The following COL4A3 variants were observed in gnomAD, a reference collection of about 807,000 sequenced individuals.
COL4A3 encodes the protein collagen type IV alpha 3 chain.
Under a neutral mutation model 217.4 loss-of-function variants are expected in COL4A3, and 135 were observed. The observed-to-expected ratio is 0.62, with a 90% CI of 0.54 to 0.72. The LOEUF is 0.72. Ranked by LOEUF, COL4A3 falls within the 30% of genes least tolerant of loss-of-function variation. The pLI is 0.00. For synonymous variants in COL4A3, 690 were observed against 736.3 expected, an observed-to-expected ratio of 0.94 and a Z score of 1.02; for missense variants, 1,868 against 2,119.9, an observed-to-expected ratio of 0.88 and a Z score of 2.33.
rs200738124 is a variant in COL4A3, at chr2:227,257,637, G to C, written c.1022G>C (p.Arg341Pro). ...GGGGACATTGGCCCTCCAGGATTTC[G>C]TGGTCCAGTAAGTGTGATTAAAGAC... Reference protein sequence around the residue: ...QKGDIGPPGFRGPTEYYDTYQ... With the variant: ...QKGDIGPPGFPGPTEYYDTYQ... The change falls in exon 18 of 52, where the codon CGT becomes CCT. Residue 341 changes from arginine (R) to proline (P), a missense_variant. Arg to Pro is a moderately radical substitution (Grantham distance 103). Coordinates refer to ENST00000396578, the MANE Select transcript of COL4A3 (RefSeq NM_000091.5). The C allele has an allele frequency of 3.7e-6, 6 of 1,613,700 alleles. No homozygotes were observed. The highest frequency in any genetic ancestry group is 1.3e-5 in the African/African-American group (1 of 75,026).
intron 1 of COL4A3, among the ~76,000 whole-genome samples, chr2:227,221,706 C>G (rs1192240828): frequency 6.6e-6 from 1 of 152,022 alleles, no homozygotes. Flanking sequence ...GTGTATTATA[C>G]ATATATATTT....
Position 227,247,499 on chromosome 2 carries a change from G to A in COL4A3, c.442-59G>A, listed in dbSNP as rs1208079953. The A allele has an allele frequency of 9.1e-6, 14 of 1,533,480 alleles. No individual in the cohort carries two copies. The Admixed American group carries it at 1.5e-4, about 16-fold the overall frequency. 95.0% of individuals were successfully genotyped at this position (1,533,480 alleles called of 1,614,324 possible). On this transcript the variant is annotated intron_variant, in intron 7 of 51. Transcript: ENST00000396578. ...AATAGCAGAGAGGGCAGAGCAGACCGAGTAGGAGTGTGTGCGTTTGATATT... is the reference window on the plus strand; with the variant it reads ...AATAGCAGAGAGGGCAGAGCAGACCAAGTAGGAGTGTGTGCGTTTGATATT...
At chr2:227,211,293 G>A (rs13402366) in intron 1 of COL4A3, among the ~76,000 whole-genome samples, 11 of 152,022 alleles carry the variant, frequency 7.2e-5, no homozygotes, top group Non-Finnish European at 1.3e-4. Flanking sequence ...GCCACTGCAC[G>A]CGGCCCCATA....
In COL4A3 at chr2:227,290,840, A is replaced by T; in HGVS notation, c.3164A>T (p.Glu1055Val). 6.2e-7 allele frequency: 1 copy of T among 1,613,720 alleles called. No homozygotes were observed. The highest frequency in any genetic ancestry group is 8.5e-7 in the Non-Finnish European group (1 of 1,179,922). ...GIHGLQGDKG[E>V]PGYSEGTRPG... The stretch of plus-strand genomic sequence containing the variant: ...CATGGTCTCCAGGGAGATAAGGGAG[A>T]GCCAGGTTATTCAGAAGGTACAAGG... Residue 1055 changes from glutamate to valine, a missense_variant, in exon 37 of 52, where the codon GAG becomes GTG. By Grantham distance (121) the Glu-to-Val change is moderately radical. Transcript: ENST00000396578.
intron 1 of COL4A3, among the ~76,000 whole-genome samples, chr2:227,213,171 T>C (rs2067391124): frequency 1.3e-5 from 2 of 152,196 alleles, no homozygotes; most frequent in Non-Finnish European, 2.9e-5. Flanking sequence ...TAGGATGCCT[T>C]AAATAGCTGA....
chr2:227,294,820 C>T (rs2106234767), intron 39 of COL4A3, 144 bp from the exon 40 acceptor site: 2 of 750,500 alleles, frequency 2.7e-6, no homozygotes, highest in Middle Eastern at 7.3e-4. Flanking sequence ...AACATAGCTT[C>T]ACATAGCTAC....
At chr2:227,216,155 G>A (rs2067520186) in intron 1 of COL4A3, among the ~76,000 whole-genome samples, 1 of 150,980 alleles carries the variant, frequency 6.6e-6, no homozygotes. Flanking sequence ...GAGATTAATT[G>A]TGCAACAATG....
chr2:227,272,887 T>C (rs2125995948), intron 25 of COL4A3, 62 bp from the exon 26 acceptor site: 4 of 1,529,926 alleles, frequency 2.6e-6, no homozygotes, highest in Non-Finnish European at 3.6e-6. Context: ...TGGAGGATGA[T>C]TAACCTGTTG....
At position 227,263,697 on chromosome 2, in the gene COL4A3, T is replaced by C. The variant is rs532329486; in HGVS notation, c.1151-83T>C. The C allele has an allele frequency of 2.7e-5, 37 of 1,355,560 alleles. No homozygotes were observed. In the African/African-American group the frequency reaches 4.1e-4, roughly 15 times the overall value. 84.0% of individuals were successfully genotyped at this position (1,355,560 alleles called of 1,614,324 possible). A position where few individuals can be genotyped will look rare whatever the true frequency, so the allele number is the denominator to read the frequency against. ...CATTGTGCAATTTTTATAAATAAAA[T>C]TAAATCACTCTTGCAATTAAAAAAT... On this transcript the variant is annotated intron_variant, in intron 20 of 51. Transcript: ENST00000396578.
At chr2:227,203,739 A>T (rs144841469) in intron 1 of COL4A3, among the ~76,000 whole-genome samples, 1 of 81,934 alleles carries the variant, frequency 1.2e-5, no homozygotes, top group African/African-American at 5.2e-5. Flanking sequence ...ATATATGTGT[A>T]TATATACATA....
rs2066243621 is a variant in COL4A3 at position 227,191,568 on chromosome 2, G to A, written c.87+26755G>A. 6.6e-6 allele frequency among the ~76,000 whole-genome samples: 1 copy of A among 152,110 alleles called. No individual in the cohort carries two copies. The highest frequency in any genetic ancestry group is 2.4e-5 in the African/African-American group (1 of 41,404). ...AAGAACCTGCCAAGGGGCTGCAATG[G>A]GAGATTACAGTGACTCAGCAAATCA... On this transcript the variant is annotated intron_variant, in intron 1 of 51. Coordinates refer to ENST00000396578, the MANE Select transcript of COL4A3 (RefSeq NM_000091.5). This position sits in a 1 kb window ranked among gnomAD's most constrained non-coding sequence, Gnocchi z 6.8.
At chr2:227,262,505 C>A (rs1310194401) in intron 20 of COL4A3, among the ~76,000 whole-genome samples, 3 of 152,122 alleles carry the variant, frequency 2.0e-5, no homozygotes, top group Non-Finnish European at 4.4e-5. Flanking sequence ...TAGATTAGTT[C>A]TTCTGATCCA....
intron 1 of COL4A3, among the ~76,000 whole-genome samples, chr2:227,204,932 A>G (rs982166707): frequency 6.6e-6 from 1 of 152,224 alleles, no homozygotes; most frequent in Non-Finnish European, 1.5e-5. Context: ...TACATAATAC[A>G]TGAAGTTGTG....
In COL4A3 at chr2:227,303,910, T is replaced by C. The variant is rs1227955412; in HGVS notation, c.4007T>C (p.Ile1336Thr). The change falls in exon 45 of 52, where the codon ATT becomes ACT. Residue 1336 changes from isoleucine (I) to threonine (T), a missense_variant. Transcript: ENST00000396578. ...GGATCCATTGGACCTCCAGGACCAA[T>C]TGGGCCAAAAGGACCACCTGGTAAA... ...FLGSIGPPGP[I>T]GPKGPPGVRG... 27 of 1,614,118 alleles carry C rather than the reference T, an allele frequency of 1.7e-5. No homozygotes were observed. Among genetic ancestry groups the C allele is most frequent in the Non-Finnish European group, 1.9e-5 (23 of 1,180,052 alleles).
At chr2:227,198,027 A>G (rs2066549012) in intron 1 of COL4A3, among the ~76,000 whole-genome samples, 1 of 152,212 alleles carries the variant, frequency 6.6e-6, no homozygotes. Flanking sequence ...TGCAGAGGTG[A>G]AGAACAGTCA....
In COL4A3 at chr2:227,248,494, G is replaced by A. The variant is rs1014839148; in HGVS notation, c.520G>A (p.Gly174Arg). The A allele has an allele frequency of 8.1e-6, 13 of 1,613,190 alleles. No individual in the cohort carries two copies. Among genetic ancestry groups the A allele is most frequent in the African/African-American group, 6.7e-5 (5 of 74,976 alleles). Reference protein sequence around the residue: ...DIELDAKGDPGLPGAPGPQGL... With the variant: ...DIELDAKGDPRLPGAPGPQGL... ...AGAACTTGATGCAAAAGGCGACCCCGGGTTGCCAGGGGCTCCAGGACCCCA... is the reference window on the plus strand; with the variant it reads ...AGAACTTGATGCAAAAGGCGACCCCAGGTTGCCAGGGGCTCCAGGACCCCA... Residue 174 changes from glycine to arginine, a missense_variant, in exon 9 of 52, where the codon GGG becomes AGG. Gly to Arg is a moderately radical substitution (Grantham distance 125). Around this residue, in one of 2 missense-constraint regions of COL4A3, gnomAD observed 365 missense variants for 333.8 expected, o/e 1.09. Coordinates refer to ENST00000396578, the MANE Select transcript of COL4A3 (RefSeq NM_000091.5).
intron 1 of COL4A3, among the ~76,000 whole-genome samples, chr2:227,235,658 T>C (rs11889232): frequency 0.42 from 63,399 of 151,962 alleles, 13,461 homozygotes; most frequent in Non-Finnish European, 0.45. Flanking sequence ...TATAGCTTAG[T>C]TCCCACTGCT....
At chr2:227,294,911 CTCTTTTTG>C in intron 39 of COL4A3, 45 bp from the exon 40 acceptor site, 1 of 1,396,904 alleles carries the variant, frequency 7.2e-7, no homozygotes, top group East Asian at 2.3e-5. Context: ...GAAATAAATC[CTCTTTTTG>C]TATACCATAG....
intron 1 of COL4A3, among the ~76,000 whole-genome samples, chr2:227,174,275 T>A (rs2065595408): frequency 6.6e-6 from 1 of 152,172 alleles, no homozygotes; most frequent in Non-Finnish European, 1.5e-5. Flanking sequence ...AAGGGAAATA[T>A]ATTGAAAACC....
Sources: gnomAD v4.1 joint callset for allele counts (sites outside exome capture counted in the v4.1 genomes callset) on GRCh38, gnomAD v4.1.1 for gene constraint, gnomAD v4.1.1 regional missense constraint, Gnocchi (gnomAD v3.1) non-coding constraint, MANE v1.5 for transcripts, NCBI Gene and HGNC (gene_info 2026-07-23, HGNC 2026-07-21) for gene names.